ST8SIA5: variants seen among roughly 807,000 people sequenced by gnomAD.
The protein encoded by ST8SIA5 is alpha-2,8-sialyltransferase 8E.
Under a neutral mutation model 40.2 loss-of-function variants are expected in ST8SIA5, and 24 were observed. That is an observed-to-expected ratio of 0.60 (90% confidence interval 0.43 to 0.84). ST8SIA5 has a LOEUF of 0.84. Among genes scored for constraint, ST8SIA5 ranks in the 40% least tolerant of loss-of-function variants. The pLI is 0.00. For missense variants in ST8SIA5, 465 were observed against 498.5 expected (o/e 0.93, Z 0.64); for synonymous variants, 198 against 201.8 (o/e 0.98, Z 0.16).
chr18:46,719,070 C>G (rs1012115045), intron 1 of ST8SIA5, among the ~76,000 whole-genome samples: 5 of 152,144 alleles, frequency 3.3e-5, no homozygotes, highest in Non-Finnish European at 5.9e-5. Context: ...ACTTCGGGGT[C>G]AACTAGAAAT....
intron 1 of ST8SIA5, among the ~76,000 whole-genome samples, chr18:46,740,475 A>G (rs1001475125): frequency 1.3e-5 from 2 of 152,170 alleles, no homozygotes; most frequent in African/African-American, 4.8e-5. Flanking sequence ...GGTATTAAAA[A>G]CTGTAAGTAT....
chr18:46,741,505 A>T (rs11082554), intron 1 of ST8SIA5, among the ~76,000 whole-genome samples: 4,131 of 152,332 alleles, frequency 0.027, 283 homozygotes, highest in East Asian at 0.23. Flanking sequence ...TACAGAGAAT[A>T]AAGTTTTAAC....
At chr18:46,724,477 G>A (rs1045851694) in intron 1 of ST8SIA5, among the ~76,000 whole-genome samples, 2 of 152,202 alleles carry the variant, frequency 1.3e-5, no homozygotes, top group South Asian at 2.1e-4. Flanking sequence ...GAAGGGCTCC[G>A]GTCTGGTTCT....
chr18:46,706,280 C>T (rs2039669303), intron 1 of ST8SIA5, among the ~76,000 whole-genome samples: 1 of 152,118 alleles, frequency 6.6e-6, no homozygotes, highest in Non-Finnish European at 1.5e-5. Flanking sequence ...TTAATAAGAA[C>T]TAGGTATTGA....
rs969245328 is a variant in ST8SIA5, at chr18:46,677,502, A to G, written c.*2540T>C. 3.9e-5 allele frequency: 6 copies of G among 152,224 alleles called. No individual in the cohort carries two copies. The highest frequency in any genetic ancestry group is 1.4e-4 in the African/African-American group (6 of 41,466). 9.4% of individuals were successfully genotyped at this position (152,224 alleles called of 1,614,324 possible). On this transcript the variant is annotated 3_prime_UTR_variant, in exon 7 of 7. Coordinates refer to ENST00000315087, the MANE Select transcript of ST8SIA5 (RefSeq NM_013305.6). ...GCTAGTATAATGAGAAATATTAATT[A>G]TGGTTTAGATCCATTCATCATGAAT...
At chr18:46,752,101 A>G (rs980260348) in intron 1 of ST8SIA5, among the ~76,000 whole-genome samples, 1 of 151,852 alleles carries the variant, frequency 6.6e-6, no homozygotes, top group Admixed American at 6.6e-5. Flanking sequence ...GATTCACTCA[A>G]CTCTTGCCTG....
At chr18:46,699,739 T>TGGGTACTCCCTCAC (rs2039593054) in intron 2 of ST8SIA5, among the ~76,000 whole-genome samples, 1 of 152,182 alleles carries the variant, frequency 6.6e-6, no homozygotes, top group Non-Finnish European at 1.5e-5. Context: ...ACTCCCTCTG[T>TGGGTACTCCCTCAC]CCACTTATTC....
chr18:46,694,583 G>C (rs2039538023), intron 2 of ST8SIA5, among the ~76,000 whole-genome samples: 1 of 152,084 alleles, frequency 6.6e-6, no homozygotes, highest in Admixed American at 6.5e-5. Flanking sequence ...CTTGGGTGCT[G>C]GTGCAGACAG....
At chr18:46,723,316 C>G (rs998101728) in intron 1 of ST8SIA5, 4 of 152,196 alleles carry the variant, frequency 2.6e-5, no homozygotes, top group African/African-American at 7.2e-5. Context: ...CTTTGGGAGG[C>G]CGAGGTGAGT....
Position 46,680,444 on chromosome 18 carries a change from C to A in ST8SIA5, c.729G>T (p.Ser243=). ...TGTTGTAGAAGGCAGGCAGCAGCAC[C>A]GACGCGTTCTCGTACACCTGCAGCA... ...YRVLQVYENA[S]VLLPAFYNTR... Residue 243 remains serine (S), a synonymous_variant, in exon 7 of 7, where the codon TCG becomes TCT. Transcript: ENST00000315087. 6.2e-7 allele frequency: 1 copy of A among 1,610,790 alleles called. No homozygotes were observed. Among genetic ancestry groups the A allele is most frequent in the Non-Finnish European group, 8.5e-7 (1 of 1,178,370 alleles).
intron 1 of ST8SIA5, among the ~76,000 whole-genome samples, chr18:46,715,238 T>C (rs974644906): frequency 6.6e-6 from 1 of 152,216 alleles, no homozygotes; most frequent in African/African-American, 2.4e-5. Context: ...GTGAGCCAGC[T>C]GCACCTGCCA....
chr18:46,726,007 A>ATATATATATATC (rs1599137439), intron 1 of ST8SIA5, among the ~76,000 whole-genome samples: 2 of 65,280 alleles, frequency 3.1e-5, no homozygotes, highest in South Asian at 6.9e-4. Flanking sequence ...ATATATATAT[A>ATATATATATATC]TATCCTGGAT....
At chr18:46,686,989 G>A (rs1040119757) in intron 4 of ST8SIA5, among the ~76,000 whole-genome samples, 2 of 152,126 alleles carry the variant, frequency 1.3e-5, no homozygotes, top group African/African-American at 4.8e-5. Flanking sequence ...CAGATAGGAG[G>A]CTGGGAAGCT....
At position 46,679,857 on chromosome 18, in the gene ST8SIA5, G is replaced by A; in HGVS notation, c.*185C>T. 1 of 652,936 alleles carries A rather than the reference G, an allele frequency of 1.5e-6. No homozygotes were observed. Among genetic ancestry groups the A allele is most frequent in the Non-Finnish European group, 2.6e-6 (1 of 386,768 alleles). The allele number at this position is 652,936 out of a possible 1,614,324, so 40.4% of individuals were successfully genotyped here. A position where few individuals can be genotyped will look rare whatever the true frequency, so the allele number is the denominator to read the frequency against. Reference sequence around the variant, plus strand: ...GCCAGGCCAGGAGGCTCAGCACAGAGCTGACTCTGCCCCGGTTCCTAACCC... The same window carrying A: ...GCCAGGCCAGGAGGCTCAGCACAGAACTGACTCTGCCCCGGTTCCTAACCC... On this transcript the variant is annotated 3_prime_UTR_variant, in exon 7 of 7. Coordinates refer to ENST00000315087, the MANE Select transcript of ST8SIA5 (RefSeq NM_013305.6).
chr18:46,754,754 T>A (rs575620141), intron 1 of ST8SIA5, among the ~76,000 whole-genome samples: 1 of 152,320 alleles, frequency 6.6e-6, no homozygotes, highest in African/African-American at 2.4e-5. Context: ...CATGGGCGGT[T>A]GTATTTTCCC....
At chr18:46,715,761 A>G (rs1231774300) in intron 1 of ST8SIA5, among the ~76,000 whole-genome samples, 1 of 151,292 alleles carries the variant, frequency 6.6e-6, no homozygotes, top group Non-Finnish European at 1.5e-5. Flanking sequence ...TTTTATTTTT[A>G]TTTTTGGTAG....
intron 1 of ST8SIA5, among the ~76,000 whole-genome samples, chr18:46,751,059 C>T (rs1321196477): frequency 6.6e-6 from 1 of 152,138 alleles, no homozygotes; most frequent in Non-Finnish European, 1.5e-5. Context: ...TGCTGTGCTA[C>T]CATCACCACC....
At chr18:46,684,772 G>A (rs377306231) in intron 5 of ST8SIA5, among the ~76,000 whole-genome samples, 6 of 152,288 alleles carry the variant, frequency 3.9e-5, no homozygotes, top group South Asian at 2.1e-4. Flanking sequence ...CTGCAAGAGC[G>A]AGACCACTCA....
intron 1 of ST8SIA5, among the ~76,000 whole-genome samples, chr18:46,755,689 G>T (rs2040236452): frequency 6.6e-6 from 1 of 152,152 alleles, no homozygotes; most frequent in Non-Finnish European, 1.5e-5. Flanking sequence ...CGTGGATTGG[G>T]GTGGAGTAGG....
Sources: gnomAD v4.1 joint callset for allele counts (sites outside exome capture counted in the v4.1 genomes callset) on GRCh38, gnomAD v4.1.1 for gene constraint, MANE v1.5 for transcripts, NCBI Gene and HGNC (gene_info 2026-07-23, HGNC 2026-07-21) for gene names.